Variants in MAPK14 observed in about 807,000 individuals in gnomAD.
MAPK14 encodes the protein CSAID-binding protein.
Under a neutral mutation model 49.6 loss-of-function variants are expected in MAPK14, and 16 were observed. That is an observed-to-expected ratio of 0.32 (90% CI 0.22 to 0.49). The LOEUF is 0.49. MAPK14 is among the 20% of genes least tolerant of loss of function. The pLI is 0.99. For missense variants in MAPK14, 200 were observed against 441.2 expected (o/e 0.45, Z 4.90); for synonymous variants, 142 against 158.0 (o/e 0.90, Z 0.76).
chr6:36,098,951 C>G (rs1251595867), intron 9 of MAPK14, among the ~76,000 whole-genome samples: 1 of 152,166 alleles, frequency 6.6e-6, no homozygotes, highest in Non-Finnish European at 1.5e-5. Context: ...AGTGTATTTC[C>G]TATCCCCTTT....
chr6:36,037,043 A>G lies in MAPK14; in HGVS notation c.116+8770A>G, dbSNP rs117586275. Reference sequence around the variant, plus strand: ...AGGTATGAGCCACTGTGCCCGGCTAATAAAATATTTTTAAATTAAGGTATG... The same window carrying G: ...AGGTATGAGCCACTGTGCCCGGCTAGTAAAATATTTTTAAATTAAGGTATG... On this transcript the variant is annotated intron_variant, in intron 1 of 11. Transcript: ENST00000229794. 1.6e-3 allele frequency among the ~76,000 whole-genome samples: 241 copies of G among 152,308 alleles called. 2 individuals carry two copies. The highest frequency in any genetic ancestry group is 7.7e-3 in the Admixed American group (118 of 15,302).
At chr6:36,075,547 C>T (rs187384385) in intron 6 of MAPK14, among the ~76,000 whole-genome samples, 1 of 152,240 alleles carries the variant, frequency 6.6e-6, no homozygotes, top group East Asian at 1.9e-4. Context: ...GAGTTTGAGG[C>T]TGTGTAAAGC....
At chr6:36,088,159 A>G (rs1765065017) in intron 8 of MAPK14, among the ~76,000 whole-genome samples, 2 of 152,226 alleles carry the variant, frequency 1.3e-5, no homozygotes. Context: ...TGTAGAACCC[A>G]AAACGATAAA....
intron 1 of MAPK14, among the ~76,000 whole-genome samples, chr6:36,034,956 T>C (rs1370432573): frequency 6.7e-6 from 1 of 148,398 alleles, no homozygotes; most frequent in Non-Finnish European, 1.5e-5. Flanking sequence ...TGGAGTGCCA[T>C]GGTGCGATCT....
intron 1 of MAPK14, among the ~76,000 whole-genome samples, chr6:36,033,983 A>G (rs59029398): frequency 6.6e-6 from 1 of 152,334 alleles, no homozygotes; most frequent in East Asian, 1.9e-4. Flanking sequence ...GGACTCATTC[A>G]TTAAAGGAAT....
rs1268353835 is a variant in MAPK14 at position 36,107,767 on chromosome 6, A to G, written c.1015+139A>G. On this transcript the variant is annotated intron_variant, in intron 11 of 11. Transcript: ENST00000229794. The surrounding 1 kb of genome is among the most constrained non-coding windows in gnomAD (Gnocchi z 4.3). ...GCAGAATGAATATGTTCTCTGGTGG[A>G]AACTGTTGTAGACAGTGATACTCTC... is the stretch of plus-strand genomic sequence containing the variant. 1 of 543,698 alleles carries G rather than the reference A, an allele frequency of 1.8e-6. No individual in the cohort carries two copies. Among genetic ancestry groups the G allele is most frequent in the African/African-American group, 1.9e-5 (1 of 51,882 alleles). The allele number at this position is 543,698 out of a possible 1,614,324, so 33.7% of individuals were successfully genotyped here.
At chr6:36,032,362 G>T (rs932815895) in intron 1 of MAPK14, among the ~76,000 whole-genome samples, 7 of 152,192 alleles carry the variant, frequency 4.6e-5, no homozygotes, top group African/African-American at 1.7e-4. Context: ...AGGTCTTGCA[G>T]TTTTAAGGAA....
intron 1 of MAPK14, among the ~76,000 whole-genome samples, chr6:36,049,847 A>T (rs965253469): frequency 6.6e-5 from 10 of 152,172 alleles, no homozygotes; most frequent in Admixed American, 3.3e-4. Flanking sequence ...TTTGATAAGC[A>T]GGGGCATATT....
rs138119801 is a variant in MAPK14 at position 36,075,895 on chromosome 6, C to T, written c.543C>T (p.Gly181=). The part of the protein sequence containing the change: ...LARHTDDEMT[G]YVATRWYRAP... ...GGCACACAGATGATGAAATGACAGG[C>T]TACGTGGCCACTAGGTGGTACAGGG... is the stretch of plus-strand genomic sequence containing the variant. Residue 181 remains glycine, a synonymous_variant, in exon 7 of 12, where the codon GGC becomes GGT. Coordinates refer to ENST00000229794, the MANE Select transcript of MAPK14 (RefSeq NM_139012.3). 2.0e-5 allele frequency: 32 copies of T among 1,613,986 alleles called. No homozygotes were observed. In the African/African-American group the frequency reaches 3.7e-4, roughly 19 times the overall value.
At chr6:36,057,739 G>C (rs745727163) in intron 2 of MAPK14, among the ~76,000 whole-genome samples, 20 of 151,988 alleles carry the variant, frequency 1.3e-4, no homozygotes, top group Non-Finnish European at 2.2e-4. Context: ...AAAAAAGTCT[G>C]ATATTTGGAT....
intron 2 of MAPK14, among the ~76,000 whole-genome samples, chr6:36,057,579 C>T (rs993740037): frequency 2.0e-5 from 3 of 152,028 alleles, no homozygotes; most frequent in Non-Finnish European, 4.4e-5. Flanking sequence ...TGGAGTCGGG[C>T]GTGGTGGTGC....
the MAPK14 span, among the ~76,000 whole-genome samples, chr6:36,117,523 C>G: frequency 2.0e-5 from 3 of 152,188 alleles, no homozygotes; most frequent in Non-Finnish European, 4.4e-5. Context: ...TGCATGCACC[C>G]TGTAATCTGG....
At chr6:36,065,415 A>G (rs900856346) in intron 3 of MAPK14, among the ~76,000 whole-genome samples, 4 of 152,174 alleles carry the variant, frequency 2.6e-5, no homozygotes, top group South Asian at 2.1e-4. Flanking sequence ...AAAAATGTAT[A>G]CACAGAGGGC....
chr6:36,122,884 A>G, the MAPK14 span, among the ~76,000 whole-genome samples: 1 of 152,196 alleles, frequency 6.6e-6, no homozygotes, highest in East Asian at 1.9e-4. Flanking sequence ...CCTGTCTCCC[A>G]GAACTCAGCT....
In MAPK14 at chr6:36,027,957, G is replaced by T. The variant is rs201656447; in HGVS notation, c.-201G>T. On this transcript the variant is annotated 5_prime_UTR_variant, in exon 1 of 12. Coordinates refer to ENST00000229794, the MANE Select transcript of MAPK14 (RefSeq NM_139012.3). Reference sequence around the variant, plus strand: ...CCTGCCCTTAGCGGGGCTTGCCCCAGTCGCAGGGGCACATCCAGCCGCTGC... The same window carrying T: ...CCTGCCCTTAGCGGGGCTTGCCCCATTCGCAGGGGCACATCCAGCCGCTGC... 2 of 433,608 alleles carry T rather than the reference G, an allele frequency of 4.6e-6. No individual in the cohort carries two copies. Among genetic ancestry groups the T allele is most frequent in the South Asian group, 7.6e-5 (1 of 13,136 alleles). 26.9% of individuals were successfully genotyped at this position (433,608 alleles called of 1,614,324 possible). A position where few individuals can be genotyped will look rare whatever the true frequency, so the allele number is the denominator to read the frequency against.
At chr6:36,087,406 C>A (rs1051278628) in intron 8 of MAPK14, among the ~76,000 whole-genome samples, 1 of 152,190 alleles carries the variant, frequency 6.6e-6, no homozygotes, top group African/African-American at 2.4e-5. Flanking sequence ...CCAAAAGCTT[C>A]TTAAGCTGAT....
chr6:36,098,807 G>A (rs1765535651), intron 9 of MAPK14, among the ~76,000 whole-genome samples: 1 of 152,108 alleles, frequency 6.6e-6, no homozygotes, highest in South Asian at 2.1e-4. Flanking sequence ...ATTTCCCTTG[G>A]CATGAAAAGT....
rs948165407 is a variant in MAPK14 at position 36,073,629 on chromosome 6, A to G, written c.418-62A>G. ...ACTGATTCATGAAAATGTGCAGCAA[A>G]TATGTTATATAATATGACAATAGAA... On this transcript the variant is annotated intron_variant, in intron 4 of 11. Coordinates refer to ENST00000229794, the MANE Select transcript of MAPK14 (RefSeq NM_139012.3). 80 of 1,323,702 alleles carry G rather than the reference A, an allele frequency of 6.0e-5. 1 individual carries two copies. In the Admixed American group the frequency reaches 1.2e-3, roughly 20 times the overall value. The allele number at this position is 1,323,702 out of a possible 1,614,324, so 82.0% of individuals were successfully genotyped here.
chr6:36,077,198 T>C (rs1183825037), intron 8 of MAPK14, among the ~76,000 whole-genome samples: 2 of 152,150 alleles, frequency 1.3e-5, no homozygotes, highest in African/African-American at 4.8e-5. Context: ...TACTGTCTAG[T>C]TTATGGTTTA....
Sources: gnomAD v4.1 joint callset for allele counts (sites outside exome capture counted in the v4.1 genomes callset) on GRCh38, gnomAD v4.1.1 for gene constraint, Gnocchi (gnomAD v3.1) non-coding constraint, MANE v1.5 for transcripts, NCBI Gene and HGNC (gene_info 2026-07-23, HGNC 2026-07-21) for gene names.